Variants in PCDHGA2 observed in about 807,000 individuals in gnomAD.
PCDHGA2 encodes the protein protocadherin gamma subfamily A, 2, also known as protocadherin gamma-A2.
In PCDHGA2, 40 loss-of-function variants were observed where a neutral mutation model predicts 59.2. The observed-to-expected ratio is 0.68, with a 90% CI of 0.52 to 0.88. The LOEUF is 0.88. Ranked by LOEUF, PCDHGA2 falls within the 40% of genes least tolerant of loss-of-function variation. The pLI is 0.00. For missense variants in PCDHGA2, 1,226 were observed against 1,204.0 expected (o/e 1.02, Z -0.27); for synonymous variants, 560 against 526.0 (o/e 1.06, Z -0.89).
At chr5:141,410,177 A>G in intron 1 of PCDHGA2, 1 of 1,613,626 alleles carries the variant, frequency 6.2e-7, no homozygotes, top group Non-Finnish European at 8.5e-7. Context: ...TGCCACCGCC[A>G]CGCTTCATCT....
intron 1 of PCDHGA2, chr5:141,350,979 G>T (rs1242967031): frequency 5.0e-6 from 8 of 1,613,950 alleles, no homozygotes; most frequent in Non-Finnish European, 6.8e-6. Flanking sequence ...CCCGTGTTTA[G>T]CCAGGAGGTA....
chr5:141,356,828 G>A, intron 1 of PCDHGA2: 1 of 1,614,146 alleles, frequency 6.2e-7, no homozygotes, highest in South Asian at 1.1e-5. Context: ...CCTCCACTCA[G>A]CAGCAATGTG....
intron 1 of PCDHGA2, chr5:141,389,990 C>A (rs2091998485): frequency 6.2e-7 from 1 of 1,613,926 alleles, no homozygotes; most frequent in African/African-American, 1.3e-5. Flanking sequence ...TGCTCTTCCT[C>A]GTGGCCATGA....
In PCDHGA2 at chr5:141,394,244, C is replaced by T. The variant is rs371631729; in HGVS notation, c.2424+52849C>T. On this transcript the variant is annotated intron_variant, in intron 1 of 3. Coordinates refer to ENST00000394576, the MANE Select transcript of PCDHGA2 (RefSeq NM_018915.4). ...CCTCCATCTTTTCCTTGACTGCACA[C>T]GACCCCGACAGCCAGGAGAATGCCC... The T allele has an allele frequency of 1.5e-5, 25 of 1,613,938 alleles. No homozygotes were observed. In the African/African-American group the frequency reaches 2.3e-4, roughly 15 times the overall value.
chr5:141,366,874 A>G, intron 1 of PCDHGA2: 2 of 1,387,376 alleles, frequency 1.4e-6, no homozygotes, highest in East Asian at 4.7e-5. Context: ...TGTATTGGAG[A>G]TTAATTTTTT....
intron 1 of PCDHGA2, chr5:141,414,713 C>T: frequency 6.2e-7 from 1 of 1,614,126 alleles, no homozygotes; most frequent in Admixed American, 1.7e-5. Context: ...TCCATCAACT[C>T]AGACACTGGC....
At chr5:141,365,534 T>C (rs761287174) in intron 1 of PCDHGA2, 1 of 1,613,758 alleles carries the variant, frequency 6.2e-7, no homozygotes, top group Non-Finnish European at 8.5e-7. Flanking sequence ...TGATAATTAC[T>C]ATCACCTATT....
In PCDHGA2 at chr5:141,511,112, G is replaced by C. The variant is rs767257788; in HGVS notation, c.2738G>C (p.Gly913Ala). The change falls in exon 4 of 4, where the codon GGC becomes GCC. Residue 913 changes from glycine (G) to alanine (A), a missense_variant. Coordinates refer to ENST00000394576, the MANE Select transcript of PCDHGA2 (RefSeq NM_018915.4). ...TLTNAAGKRD[G>A]KAPAGGNGNK... The stretch of plus-strand genomic sequence containing the variant: ...ACCAACGCAGCTGGCAAGCGGGATG[G>C]CAAGGCCCCAGCAGGTGGCAATGGC... The C allele has an allele frequency of 4.3e-6, 7 of 1,614,232 alleles. No homozygotes were observed. Among genetic ancestry groups the C allele is most frequent in the Non-Finnish European group, 5.9e-6 (7 of 1,180,024 alleles).
intron 1 of PCDHGA2, chr5:141,387,798 G>T: frequency 6.6e-7 from 1 of 1,505,108 alleles, no homozygotes; most frequent in Non-Finnish European, 8.9e-7. Context: ...ACTAAAGTCC[G>T]TTCGGAGATC....
At chr5:141,375,670 G>A (rs1186753190) in intron 1 of PCDHGA2, 5 of 1,614,248 alleles carry the variant, frequency 3.1e-6, no homozygotes, top group Non-Finnish European at 4.2e-6. Context: ...GAGACCTACA[G>A]CTGTGGGTGA....
Position 141,486,915 on chromosome 5 carries a change from C to G in PCDHGA2, c.2425-7892C>G. The G allele has an allele frequency of 6.2e-7, 1 of 1,614,244 alleles. No individual in the cohort carries two copies. The highest frequency in any genetic ancestry group is 8.5e-7 in the Non-Finnish European group (1 of 1,180,046). ...GGTTCCTTATGTCCCCAAGCACTGCCTCCATCAGTTGGTGCTGGCCACCTA... is the reference window on the plus strand; with the variant it reads ...GGTTCCTTATGTCCCCAAGCACTGCGTCCATCAGTTGGTGCTGGCCACCTA... On this transcript the variant is annotated intron_variant, in intron 1 of 3. Transcript: ENST00000394576. This position sits in a 1 kb window ranked among gnomAD's most constrained non-coding sequence, Gnocchi z 5.0.
intron 1 of PCDHGA2, chr5:141,414,628 A>T (rs1471507988): frequency 4.3e-6 from 7 of 1,613,900 alleles, no homozygotes; most frequent in Non-Finnish European, 5.9e-6. Flanking sequence ...GGACCCGGAC[A>T]GCAAAGAGAA....
intron 1 of PCDHGA2, among the ~76,000 whole-genome samples, chr5:141,463,797 T>C (rs58523023): frequency 0.28 from 42,459 of 152,012 alleles, 6,656 homozygotes; most frequent in African/African-American, 0.43. Flanking sequence ...TGAACAAATG[T>C]CTAAAAGCTT....
At chr5:141,439,207 C>A (rs1003519997) in intron 1 of PCDHGA2, among the ~76,000 whole-genome samples, 1 of 149,828 alleles carries the variant, frequency 6.7e-6, no homozygotes, top group Non-Finnish European at 1.5e-5. Context: ...AAAAAAAAAT[C>A]CATATGTGAA....
intron 1 of PCDHGA2, chr5:141,433,012 G>A (rs1402902269): frequency 2.5e-6 from 4 of 1,614,054 alleles, no homozygotes; most frequent in Non-Finnish European, 3.4e-6. Flanking sequence ...CTTTCCTGCA[G>A]ACCTATTCCC....
Position 141,502,485 on chromosome 5 carries a change from G to A in PCDHGA2, c.2484-2908G>A, listed in dbSNP as rs187600890. ...AATACTTCCCGCAGCATCACACTGG[G>A]ACTCATCTAACGTCGGCCTGTCCCA... On this transcript the variant is annotated intron_variant, in intron 2 of 3. Coordinates refer to ENST00000394576, the MANE Select transcript of PCDHGA2 (RefSeq NM_018915.4). 8.4e-3 allele frequency among the ~76,000 whole-genome samples: 1,276 copies of A among 152,270 alleles called. 22 individuals carry two copies. Among genetic ancestry groups the A allele is most frequent in the African/African-American group, 0.028 (1,151 of 41,542 alleles).
chr5:141,348,608 T>A (rs1041872145), intron 1 of PCDHGA2, among the ~76,000 whole-genome samples: 1 of 152,150 alleles, frequency 6.6e-6, no homozygotes, highest in Non-Finnish European at 1.5e-5. Context: ...ATGGAACCCA[T>A]ACAATTCCAC....
intron 1 of PCDHGA2, chr5:141,367,483 G>A (rs971322037): frequency 1.5e-4 from 23 of 152,288 alleles, no homozygotes; most frequent in African/African-American, 5.5e-4. Flanking sequence ...CTTGCAGTAA[G>A]CCGAGATCGC....
intron 1 of PCDHGA2, chr5:141,352,400 T>C (rs772878086): frequency 1.9e-5 from 31 of 1,613,892 alleles, no homozygotes; most frequent in East Asian, 4.5e-5. Context: ...CCTGCGACGT[T>C]CCTCCAGCCT....
Sources: allele counts gnomAD v4.1 joint callset (sites outside exome capture counted in the v4.1 genomes callset), GRCh38; gene constraint gnomAD v4.1.1; non-coding constraint Gnocchi (gnomAD v3.1); transcripts MANE v1.5; gene names NCBI Gene and HGNC (gene_info 2026-07-23, HGNC 2026-07-21).